Variants in DPY19L1 observed in about 807,000 individuals in gnomAD.
The protein encoded by DPY19L1 is dpy-19 like C-mannosyltransferase 1.
A neutral mutation model predicts 96.9 loss-of-function variants in DPY19L1; 35 were observed. The ratio of observed to expected loss-of-function variants is 0.36; its 90% CI spans 0.28 to 0.48. The LOEUF (loss-of-function observed/expected upper bound fraction) is 0.48, where lower values mean the gene tolerates loss of function less well. DPY19L1 is among the 20% of genes least tolerant of loss of function. The probability of loss-of-function intolerance (pLI) is 0.99; values close to 1 mark genes in which losing one functional copy is unlikely to be tolerated. For missense variants in DPY19L1, 521 were observed against 777.9 expected (o/e 0.67, Z 3.93); for synonymous variants, 205 against 252.6 (o/e 0.81, Z 1.79).
At chr7:35,031,526 A>T (rs1786260573) in intron 1 of DPY19L1, among the ~76,000 whole-genome samples, 3 of 151,778 alleles carry the variant, frequency 2.0e-5, no homozygotes. Context: ...TAACACACTC[A>T]TTAAGAGAAA....
intron 6 of DPY19L1, among the ~76,000 whole-genome samples, chr7:35,001,944 T>C (rs934328122): frequency 1.2e-4 from 18 of 151,400 alleles, no homozygotes; most frequent in African/African-American, 4.4e-4. Flanking sequence ...GCCAACATGG[T>C]AAAAACCCCT....
At chr7:34,952,910 G>T (rs1472650739) in intron 13 of DPY19L1, among the ~76,000 whole-genome samples, 2 of 152,288 alleles carry the variant, frequency 1.3e-5, no homozygotes, top group Non-Finnish European at 2.9e-5. Context: ...CTGAGAAACT[G>T]TGGGTAAAAA....
intron 7 of DPY19L1, among the ~76,000 whole-genome samples, chr7:34,981,905 G>A (rs1784948203): frequency 6.6e-6 from 1 of 152,134 alleles, no homozygotes; most frequent in South Asian, 2.1e-4. Flanking sequence ...AGCCAAAATT[G>A]TGCCACTGCA....
chr7:35,017,827 T>A, intron 3 of DPY19L1, 55 bp downstream of exon 3: 1 of 1,354,114 alleles, frequency 7.4e-7, no homozygotes, highest in Non-Finnish European at 1.0e-6. Flanking sequence ...ATAAAAAATA[T>A]TAAATGTTTT....
chr7:35,014,567 G>C (rs2128679023), intron 3 of DPY19L1, among the ~76,000 whole-genome samples: 1 of 152,260 alleles, frequency 6.6e-6, no homozygotes, highest in South Asian at 2.1e-4. Context: ...CTGGGTTTAA[G>C]ACTCACAAAT....
rs572965589 is a variant in DPY19L1 at position 35,023,967 on chromosome 7, C to T, written c.299-5371G>A. On this transcript the variant is annotated intron_variant, in intron 1 of 21. Transcript: ENST00000638088. The stretch of plus-strand genomic sequence containing the variant: ...TCTCCTGCCTCAGCCTCCTGAGTAG[C>T]TGGGACTGCAGGCACCTGCCACCAC... Among the ~76,000 whole-genome samples, 18 of 151,352 alleles carry T rather than the reference C, an allele frequency of 1.2e-4. No homozygotes were observed. In the South Asian group the frequency reaches 3.4e-3, roughly 28 times the overall value.
chr7:34,943,976 GATTC>G (rs1358802901), intron 16 of DPY19L1, among the ~76,000 whole-genome samples: 1 of 152,108 alleles, frequency 6.6e-6, no homozygotes, highest in East Asian at 1.9e-4. Flanking sequence ...TGAGAACAAG[GATTC>G]TCTCAGGAGT....
intron 13 of DPY19L1, among the ~76,000 whole-genome samples, chr7:34,953,566 G>T (rs191364087): frequency 2.4e-4 from 36 of 152,132 alleles, no homozygotes; most frequent in South Asian, 4.2e-4. Flanking sequence ...CACTCTGTAC[G>T]TCATTTTTTA....
At chr7:34,949,344 A>G (rs1784221033) in intron 14 of DPY19L1, among the ~76,000 whole-genome samples, 3 of 152,198 alleles carry the variant, frequency 2.0e-5, no homozygotes, top group Admixed American at 1.3e-4. Context: ...TCTGTCTCAC[A>G]ATCCACTAAA....
At chr7:35,013,796 CAATT>C in intron 3 of DPY19L1, 91 bp from the exon 4 acceptor site, 1 of 985,534 alleles carries the variant, frequency 1.0e-6, no homozygotes, top group Middle Eastern at 2.2e-4. Context: ...AAAAACAAAG[CAATT>C]AAGTAATAGC....
chr7:35,018,135 T>C (rs1785905490), intron 2 of DPY19L1, among the ~76,000 whole-genome samples, 166 bp from the exon 3 acceptor site: 1 of 152,210 alleles, frequency 6.6e-6, no homozygotes, highest in Non-Finnish European at 1.5e-5. Flanking sequence ...ATGTATTGCA[T>C]TTATACTAAA....
intron 1 of DPY19L1, among the ~76,000 whole-genome samples, chr7:35,022,903 G>A (rs1441526418): frequency 1.3e-5 from 2 of 152,124 alleles, no homozygotes; most frequent in South Asian, 2.1e-4. Flanking sequence ...CCCAGGTCCC[G>A]GTCCCGGACG....
At chr7:35,034,911 T>A (rs1171512000) in intron 1 of DPY19L1, among the ~76,000 whole-genome samples, 1 of 152,180 alleles carries the variant, frequency 6.6e-6, no homozygotes, top group Non-Finnish European at 1.5e-5. Context: ...TAATGTCAGC[T>A]CAACTCTCAC....
At chr7:35,013,411 T>C (rs899357034) in intron 4 of DPY19L1, among the ~76,000 whole-genome samples, 157 bp downstream of exon 4, 2 of 152,182 alleles carry the variant, frequency 1.3e-5, no homozygotes, top group Non-Finnish European at 2.9e-5. Context: ...AAATCAGTAA[T>C]GATCTTTTTT....
intron 6 of DPY19L1, among the ~76,000 whole-genome samples, chr7:34,991,359 C>A (rs995490410): frequency 1.6e-4 from 24 of 152,084 alleles, no homozygotes; most frequent in Non-Finnish European, 2.9e-4. Context: ...CTAGACAGCA[C>A]AAATGAAATA....
chr7:35,014,847 G>C (rs1004815323), intron 3 of DPY19L1, among the ~76,000 whole-genome samples: 9 of 152,140 alleles, frequency 5.9e-5, no homozygotes, highest in Non-Finnish European at 1.0e-4. Context: ...CCTACATAAA[G>C]AGGAATATTT....
Position 35,003,059 on chromosome 7 carries a change from C to T in DPY19L1, c.764+7409G>A, listed in dbSNP as rs143439922. Among the ~76,000 whole-genome samples the T allele has an allele frequency of 1.0e-3, 154 of 152,232 alleles. 1 individual carries two copies. The East Asian group carries it at 0.027, about 27-fold the overall frequency. On this transcript the variant is annotated intron_variant, in intron 6 of 21. Transcript: ENST00000638088. ...TGCTGGGATTACAGGCGTGAGCCACCGTGCCCGGCCAGCAACCAACAATGT... is the reference window on the plus strand; with the variant it reads ...TGCTGGGATTACAGGCGTGAGCCACTGTGCCCGGCCAGCAACCAACAATGT...
intron 7 of DPY19L1, 130 bp downstream of exon 7, chr7:34,989,754 G>C: frequency 2.7e-6 from 2 of 727,776 alleles, no homozygotes; most frequent in East Asian, 5.7e-5. Context: ...TAACTCAAAT[G>C]AATGCTAGTG....
At chr7:34,975,383 A>G (rs1784810308) in intron 7 of DPY19L1, among the ~76,000 whole-genome samples, 1 of 152,252 alleles carries the variant, frequency 6.6e-6, no homozygotes, top group Admixed American at 6.5e-5. Flanking sequence ...ATCCAGAACA[A>G]GATCCTAACT....
Sources: allele counts gnomAD v4.1 joint callset (sites outside exome capture counted in the v4.1 genomes callset), GRCh38; gene constraint gnomAD v4.1.1; transcripts MANE v1.5; gene names NCBI Gene and HGNC (gene_info 2026-07-23, HGNC 2026-07-21).